The following FAM184B variants were observed in gnomAD, a reference collection of about 807,000 sequenced individuals.
The protein encoded by FAM184B is family with sequence similarity 184 member B.
FAM184B carries 111 observed loss-of-function variants against 135.9 expected under a neutral mutation model. The ratio of observed to expected loss-of-function variants is 0.82; its 90% CI spans 0.70 to 0.96. The LOEUF is 0.96. FAM184B is among the 40% of genes least tolerant of loss of function. The pLI is 0.00. For synonymous variants in FAM184B, 552 were observed against 524.8 expected (o/e 1.05, Z -0.71); for missense variants, 1,375 against 1,323.9 (o/e 1.04, Z -0.60).
At chr4:17,690,388 G>T (rs1046212290) in intron 6 of FAM184B, among the ~76,000 whole-genome samples, 1 of 152,158 alleles carries the variant, frequency 6.6e-6, no homozygotes, top group Admixed American at 6.5e-5. Flanking sequence ...AGCCTTGGAG[G>T]ATAGTGGTAG....
rs1371832197 is a variant in FAM184B at position 17,709,022 on chromosome 4, C to T, written c.764G>A (p.Arg255His). 5.2e-6 allele frequency: 8 copies of T among 1,550,140 alleles called. No individual in the cohort carries two copies. The highest frequency in any genetic ancestry group is 1.2e-5 in the South Asian group (1 of 84,054). Reference sequence around the variant, plus strand: ...TGACTCCTGGACCTGGAAGTTCTTGCGGAGGTCCGACTCCTTCTCCTGCCA... The same window carrying T: ...TGACTCCTGGACCTGGAAGTTCTTGTGGAGGTCCGACTCCTTCTCCTGCCA... ...WQWQEKESDL[R>H]KNFQVQESAL... Residue 255 changes from arginine to histidine, a missense_variant, in exon 2 of 18, where the codon CGC becomes CAC. Coordinates refer to ENST00000265018, the MANE Select transcript of FAM184B (RefSeq NM_015688.2).
chr4:17,765,583 G>C (rs942264411), intron 1 of FAM184B, among the ~76,000 whole-genome samples: 4 of 152,284 alleles, frequency 2.6e-5, no homozygotes, highest in African/African-American at 9.6e-5. Flanking sequence ...AACAGTAGAA[G>C]CTCTTTGGCC....
chr4:17,730,678 G>A (rs543929824), intron 1 of FAM184B, among the ~76,000 whole-genome samples: 5 of 152,250 alleles, frequency 3.3e-5, no homozygotes, highest in East Asian at 1.9e-4. Context: ...AAAGCAGAGC[G>A]CCTCTCCTCC....
In FAM184B at chr4:17,633,855, C is replaced by G; in HGVS notation, c.2923G>C (p.Val975Leu). 6.4e-7 allele frequency: 1 copy of G among 1,551,050 alleles called. No individual in the cohort carries two copies. The highest frequency in any genetic ancestry group is 8.7e-7 in the Non-Finnish European group (1 of 1,146,764). Residue 975 changes from valine (V) to leucine (L), a missense_variant, in exon 17 of 18, where the codon GTC becomes CTC. Coordinates refer to ENST00000265018, the MANE Select transcript of FAM184B (RefSeq NM_015688.2). The part of the protein sequence containing the change: ...KKVEDVPSRV[V>L]SVPNLASYAK... ...TAGGAGGCGAGGTTCGGCACGCTGA[C>G]CACGCGGCTGGGCACGTCCTCCACC...
In FAM184B at chr4:17,663,615, A is replaced by AACACACACACAC. The variant is rs113627829; in HGVS notation, c.1694+935_1694+946dup. The stretch of plus-strand genomic sequence containing the variant: ...AAATCAGGAACACAATCCCATTCAC[A>AACACACACACAC]ACACACACACACACACACACACACA... On this transcript the variant is annotated intron_variant, in intron 8 of 17. Transcript: ENST00000265018. 9.1e-4 allele frequency among the ~76,000 whole-genome samples: 137 copies of AACACACACACAC among 150,542 alleles called. 1 individual carries two copies. The highest frequency in any genetic ancestry group is 3.2e-3 in the African/African-American group (130 of 40,868).
chr4:17,707,748 T>C lies in FAM184B; in HGVS notation c.931A>G (p.Asn311Asp). The change falls in exon 3 of 18, where the codon AAT becomes GAT. Residue 311 changes from asparagine (N) to aspartate (D), a missense_variant. Transcript: ENST00000265018. ...TTTGCAGTGCCTTTCAACTCTGAAT[T>C]CTCCTGTCGAGCCTCCTTAAGCTGC... ...DVQLKEARQE[N>D]SELKGTAKKL... 1.9e-6 allele frequency: 3 copies of C among 1,551,878 alleles called. No individual in the cohort carries two copies. Among genetic ancestry groups the C allele is most frequent in the Non-Finnish European group, 2.6e-6 (3 of 1,146,998 alleles).
In FAM184B at chr4:17,660,034, A is replaced by G; in HGVS notation, c.1748T>C (p.Leu583Ser). 1.3e-6 allele frequency: 2 copies of G among 1,551,638 alleles called. No individual in the cohort carries two copies. The highest frequency in any genetic ancestry group is 1.7e-6 in the Non-Finnish European group (2 of 1,146,996). The change falls in exon 9 of 18, where the codon TTG (leucine) becomes TCG (serine). Residue 583 changes from leucine to serine, a missense_variant. Transcript: ENST00000265018. ...GSDPQPPLGS[L>S]LKEKTSKIQR... ...GATTTTGGATGTTTTCTCCTTCAAC[A>G]AAGAGCCCAGTGGAGGTTGTGGGTC... is the stretch of plus-strand genomic sequence containing the variant.
rs546636031 is a variant in FAM184B at position 17,684,534 on chromosome 4, T to C, written c.1596+3890A>G. Among the ~76,000 whole-genome samples the C allele has an allele frequency of 7.9e-5, 12 of 152,360 alleles. No homozygotes were observed. In the East Asian group the frequency reaches 2.3e-3, roughly 29 times the overall value. On this transcript the variant is annotated intron_variant, in intron 7 of 17. Transcript: ENST00000265018. ...AAACAGCACCAGATATTTAAGCTGT[T>C]ACTAAATGTCCACATTGTTTTCCAG...
At chr4:17,707,540 C>T (rs753026976) in intron 3 of FAM184B, 109 bp downstream of exon 3, 41 of 1,408,360 alleles carry the variant, frequency 2.9e-5, no homozygotes, top group Non-Finnish European at 3.8e-5. Flanking sequence ...GATCAAGCAG[C>T]CCTGCCCCTC....
At chr4:17,640,390 A>G (rs549940001) in intron 13 of FAM184B, among the ~76,000 whole-genome samples, 1 of 151,684 alleles carries the variant, frequency 6.6e-6, no homozygotes, top group South Asian at 2.1e-4. Context: ...AGGCTGAGGC[A>G]GAAGAATCAC....
At chr4:17,760,198 G>T (rs1293166074) in intron 1 of FAM184B, among the ~76,000 whole-genome samples, 1 of 152,138 alleles carries the variant, frequency 6.6e-6, no homozygotes, top group Non-Finnish European at 1.5e-5. Flanking sequence ...GGGCATGGTG[G>T]CTCACGCCTG....
chr4:17,758,235 T>C (rs1442548187), intron 1 of FAM184B, among the ~76,000 whole-genome samples: 1 of 152,198 alleles, frequency 6.6e-6, no homozygotes, highest in African/African-American at 2.4e-5. Flanking sequence ...CTAATTTCAT[T>C]ATATATTGTT....
At position 17,629,380 on chromosome 4, in the gene FAM184B, G is replaced by A. The variant is rs2108921567; in HGVS notation, c.*3152C>T. ...CCAGCCTCATCTGCAGAATCCAGAT[G>A]GATCCTGGAGAAAAATTAACCAAGT... is the stretch of plus-strand genomic sequence containing the variant. On this transcript the variant is annotated 3_prime_UTR_variant, in exon 18 of 18. Transcript: ENST00000265018. The A allele has an allele frequency of 1.3e-5, 2 of 152,294 alleles. No homozygotes were observed. Among genetic ancestry groups the A allele is most frequent in the South Asian group, 4.1e-4 (2 of 4,820 alleles). The allele number at this position is 152,294 out of a possible 1,614,324, so 9.4% of individuals were successfully genotyped here. A position where few individuals can be genotyped will look rare whatever the true frequency, so the allele number is the denominator to read the frequency against.
At chr4:17,780,805 T>G (rs1178936358) in intron 1 of FAM184B, among the ~76,000 whole-genome samples, 3 of 152,106 alleles carry the variant, frequency 2.0e-5, no homozygotes, top group Non-Finnish European at 4.4e-5. Flanking sequence ...CCTCCCCAGC[T>G]GTAAAGTATG....
chr4:17,638,292 G>A (rs1427634010), intron 14 of FAM184B, among the ~76,000 whole-genome samples: 3 of 151,564 alleles, frequency 2.0e-5, no homozygotes, highest in South Asian at 2.1e-4. Context: ...GAGCTCAGAC[G>A]ATCCTCCCGC....
In FAM184B at chr4:17,629,910, GT is replaced by G. The variant is rs1213592519; in HGVS notation, c.*2621del. On this transcript the variant is annotated 3_prime_UTR_variant, in exon 18 of 18. Coordinates refer to ENST00000265018, the MANE Select transcript of FAM184B (RefSeq NM_015688.2). ...TGGTAATAACAAACAAAAAGCTTAA[GT>G]TTGTGTCCTTAAATGCCTTACTTCA... 3.3e-5 allele frequency: 5 copies of G among 152,150 alleles called. No homozygotes were observed. The highest frequency in any genetic ancestry group is 7.2e-5 in the African/African-American group (3 of 41,428). The allele number at this position is 152,150 out of a possible 1,614,324, so 9.4% of individuals were successfully genotyped here.
At chr4:17,657,502 G>T (rs953523665) in intron 10 of FAM184B, among the ~76,000 whole-genome samples, 4 of 152,142 alleles carry the variant, frequency 2.6e-5, no homozygotes, top group African/African-American at 9.7e-5. Context: ...CGGCAGGAAG[G>T]GAACACCCTC....
At chr4:17,746,785 C>G (rs888278111) in intron 1 of FAM184B, among the ~76,000 whole-genome samples, 23 of 151,224 alleles carry the variant, frequency 1.5e-4, no homozygotes, top group Non-Finnish European at 2.7e-4. Flanking sequence ...CACCTGTAAT[C>G]TCAGCACTTT....
intron 1 of FAM184B, among the ~76,000 whole-genome samples, chr4:17,726,322 C>CTTTT (rs1717638054): frequency 6.6e-6 from 1 of 152,124 alleles, no homozygotes; most frequent in East Asian, 1.9e-4. Context: ...AAGCCCGAAG[C>CTTTT]CAGGGCTAGC....
Sources: allele counts gnomAD v4.1 joint callset (sites outside exome capture counted in the v4.1 genomes callset), GRCh38; gene constraint gnomAD v4.1.1; transcripts MANE v1.5; gene names NCBI Gene and HGNC (gene_info 2026-07-23, HGNC 2026-07-21).